Variants in DHTKD1 observed in about 807,000 individuals in gnomAD.
DHTKD1 encodes the protein 2-oxoadipate dehydrogenase complex component E1.
A neutral mutation model predicts 101.8 loss-of-function variants in DHTKD1; 78 were observed. That is an observed-to-expected ratio of 0.77 (90% CI 0.64 to 0.93). The LOEUF is 0.93. Among genes scored for constraint, DHTKD1 ranks in the 40% least tolerant of loss-of-function variants. The pLI is 0.00. For synonymous variants in DHTKD1, 462 were observed against 450.3 expected, an observed-to-expected ratio of 1.03 and a Z score of -0.33; for missense variants, 1,223 against 1,161.7, an observed-to-expected ratio of 1.05 and a Z score of -0.77.
chr10:12,089,243 C>A lies in DHTKD1; in HGVS notation c.975C>A (p.Val325=). 2 of 1,613,800 alleles carry A rather than the reference C, an allele frequency of 1.2e-6. No individual in the cohort carries two copies. The highest frequency in any genetic ancestry group is 1.1e-5 in the South Asian group (1 of 91,060). ...PDNSAQPGDR[V]ICLQVHGDAS... is the part of the protein sequence containing the mutation. ...ACTCAGCCCAGCCGGGGGACAGGGTCATTTGCTTACAGGTACTTGGAGCTT... is the reference window on the plus strand; with the variant it reads ...ACTCAGCCCAGCCGGGGGACAGGGTAATTTGCTTACAGGTACTTGGAGCTT... Residue 325 remains valine (V), a synonymous_variant, in exon 5 of 17, where the codon GTC becomes GTA. Transcript: ENST00000263035.
At position 12,121,219 on chromosome 10, in the gene DHTKD1, CAAAAA is replaced by C. The variant is rs34911594; in HGVS notation, c.*346_*350del. 7 of 119,472 alleles carry C rather than the reference CAAAAA, an allele frequency of 5.9e-5. No homozygotes were observed. Among genetic ancestry groups the C allele is most frequent in the Non-Finnish European group, 9.8e-5 (6 of 61,136 alleles). The allele number at this position is 119,472 out of a possible 1,614,324, so 7.4% of individuals were successfully genotyped here. ...TGGGTGACAGAGCAAGACTGCGTTTCAAAAAAAAAAAAAAAAAAACCCATTAAAAG... is the reference window on the plus strand; with the variant it reads ...TGGGTGACAGAGCAAGACTGCGTTTCAAAAAAAAAAAAAACCCATTAAAAG... On this transcript the variant is annotated 3_prime_UTR_variant, in exon 17 of 17. Coordinates refer to ENST00000263035, the MANE Select transcript of DHTKD1 (RefSeq NM_018706.7).
intron 12 of DHTKD1, among the ~76,000 whole-genome samples, chr10:12,108,543 G>T (rs1289422384): frequency 2.0e-5 from 3 of 152,170 alleles, no homozygotes; most frequent in Non-Finnish European, 4.4e-5. Context: ...GCTTCCCAAA[G>T]TGCTGGGATT....
At chr10:12,078,356 CAG>C (rs753583416) in intron 1 of DHTKD1, among the ~76,000 whole-genome samples, 61 of 151,894 alleles carry the variant, frequency 4.0e-4, no homozygotes, top group Non-Finnish European at 4.3e-4. Context: ...ACCTGGGAAA[CAG>C]AGGTTGCAAT....
chr10:12,081,613 C>T lies in DHTKD1; in HGVS notation c.296C>T (p.Pro99Leu). ...GCCCTGGTGCAGACACTGCAGGGAC[C>T]CTTCCACACGGCAGGTATGGCTTCT... The part of the protein sequence containing the change: ...IQALVQTLQG[P>L]FHTAGLLNMG... The change falls in exon 2 of 17, where the codon CCC becomes CTC. Residue 99 changes from proline (P) to leucine (L), a missense_variant. Physicochemically the swap from Pro to Leu is moderately conservative, Grantham distance 98. Coordinates refer to ENST00000263035, the MANE Select transcript of DHTKD1 (RefSeq NM_018706.7). 1.2e-6 allele frequency: 2 copies of T among 1,614,110 alleles called. No individual in the cohort carries two copies. Among genetic ancestry groups the T allele is most frequent in the Middle Eastern group, 1.6e-4 (1 of 6,062 alleles).
intron 5 of DHTKD1, among the ~76,000 whole-genome samples, chr10:12,090,367 C>CCCTTCCTTCCTTCCTTTTTTCCTT (rs1554791887): frequency 5.4e-5 from 5 of 92,552 alleles, no homozygotes; most frequent in Non-Finnish European, 1.0e-4. Flanking sequence ...GGCCCTCCCT[C>CCCTTCCTTCCTTCCTTTTTTCCTT]CCTTCCTTCC....
At chr10:12,120,471 C>CT in intron 16 of DHTKD1, 1 of 527,632 alleles carries the variant, frequency 1.9e-6, no homozygotes. Flanking sequence ...GTAGCTGGGA[C>CT]TACAGGCGCC....
intron 12 of DHTKD1, among the ~76,000 whole-genome samples, chr10:12,112,259 G>A (rs560892619): frequency 6.6e-6 from 1 of 152,238 alleles, no homozygotes; most frequent in African/African-American, 2.4e-5. Context: ...GGGTTACAGT[G>A]TGCTATGATC....
At chr10:12,101,790 T>C (rs973967251) in intron 10 of DHTKD1, among the ~76,000 whole-genome samples, 1 of 151,932 alleles carries the variant, frequency 6.6e-6, no homozygotes, top group African/African-American at 2.4e-5. Flanking sequence ...TTTTAGTAGA[T>C]GGAATTTCAC....
intron 3 of DHTKD1, among the ~76,000 whole-genome samples, chr10:12,086,440 C>T (rs148544675): frequency 1.3e-5 from 2 of 151,294 alleles, no homozygotes; most frequent in African/African-American, 2.4e-5. Context: ...AGGATGGTCT[C>T]GATCTCCTGA....
Position 12,089,199 on chromosome 10 carries a change from G to C in DHTKD1, c.931G>C (p.Gly311Arg). ...CGGCAGGCAGCAGTCTCGCCAAGAC[G>C]GCGATTACTCTCCAGACAACTCAGC... ...TRGRQQSRQD[G>R]DYSPDNSAQP... Residue 311 changes from glycine to arginine, a missense_variant, in exon 5 of 17, where the codon GGC becomes CGC. Physicochemically the swap from Gly to Arg is moderately radical, Grantham distance 125 (BLOSUM62 -2). Coordinates refer to ENST00000263035, the MANE Select transcript of DHTKD1 (RefSeq NM_018706.7). 1 of 1,614,164 alleles carries C rather than the reference G, an allele frequency of 6.2e-7. No individual in the cohort carries two copies. Among genetic ancestry groups the C allele is most frequent in the Non-Finnish European group, 8.5e-7 (1 of 1,180,040 alleles).
chr10:12,079,397 C>T (rs1374632659), intron 1 of DHTKD1, among the ~76,000 whole-genome samples: 4 of 152,070 alleles, frequency 2.6e-5, no homozygotes, highest in Non-Finnish European at 5.9e-5. Flanking sequence ...GAGCTGGGTG[C>T]GGTGGCTCAT....
rs557164416 is a variant in DHTKD1 at position 12,110,517 on chromosome 10, A to T, written c.2155-2383A>T. On this transcript the variant is annotated intron_variant, in intron 12 of 16. Transcript: ENST00000263035. This position sits in a 1 kb window ranked among gnomAD's most constrained non-coding sequence, Gnocchi z 4.9. ...AAAGTGTATTTATTTAAACATTTTT[A>T]ATTGACAAATGTACAATTGTATATA... Among the ~76,000 whole-genome samples, 265 of 152,290 alleles carry T rather than the reference A, an allele frequency of 1.7e-3. 1 individual carries two copies. The South Asian group carries it at 0.021, about 12-fold the overall frequency.
Position 12,117,741 on chromosome 10 carries a change from T to C in DHTKD1, c.2388T>C (p.Ser796=). ...TTFNPVIGDS[S]VDPKKVKTLV... ...TTAACCCGGTCATTGGTGATTCATCTGTGGATCCAAAAAAGTAAGATATGT... is the reference window on the plus strand; with the variant it reads ...TTAACCCGGTCATTGGTGATTCATCCGTGGATCCAAAAAAGTAAGATATGT... Residue 796 remains serine (S), a synonymous_variant, in exon 14 of 17, where the codon TCT becomes TCC. Coordinates refer to ENST00000263035, the MANE Select transcript of DHTKD1 (RefSeq NM_018706.7). 1 of 1,596,362 alleles carries C rather than the reference T, an allele frequency of 6.3e-7. No individual in the cohort carries two copies. Among genetic ancestry groups the C allele is most frequent in the Non-Finnish European group, 8.6e-7 (1 of 1,167,990 alleles).
chr10:12,120,796 G>T lies in DHTKD1; in HGVS notation c.2668G>T (p.Val890Leu), dbSNP rs1447581461. ...EKQLACKLRL[V>L]GRPPLPVPAV... ...TCTGCTGCACTTATAGCTCCGTCTG[G>T]TGGGCCGGCCCCCTTTGCCAGTACC... Residue 890 changes from valine to leucine, a missense_variant, in exon 17 of 17, where the codon GTG becomes TTG. By Grantham distance (32) the Val-to-Leu change is conservative. Coordinates refer to ENST00000263035, the MANE Select transcript of DHTKD1 (RefSeq NM_018706.7). The T allele has an allele frequency of 2.5e-6, 4 of 1,613,920 alleles. No homozygotes were observed. Among genetic ancestry groups the T allele is most frequent in the Middle Eastern group, 3.3e-4 (2 of 6,076 alleles).
chr10:12,090,474 T>TCCTTCCTC (rs1314814503), intron 5 of DHTKD1, among the ~76,000 whole-genome samples: 2 of 125,254 alleles, frequency 1.6e-5, no homozygotes, highest in Non-Finnish European at 3.5e-5. Context: ...CTTCCTTCCT[T>TCCTTCCTC]CCTTCTTCTT....
Position 12,107,922 on chromosome 10 carries a change from G to C in DHTKD1, c.2061G>C (p.Trp687Cys), listed in dbSNP as rs769639705. The change falls in exon 12 of 17, where the codon TGG becomes TGC. Residue 687 changes from tryptophan to cysteine, a missense_variant. Transcript: ENST00000263035. This position sits in a 1 kb window ranked among gnomAD's most constrained non-coding sequence, Gnocchi z 4.1. ...DTFISGGEAK[W>C]LLQSGIVILL... ...GTACTTTTCCAGGAGAGGCCAAGTG[G>C]CTCCTACAAAGCGGCATCGTCATCC... 15 of 1,613,400 alleles carry C rather than the reference G, an allele frequency of 9.3e-6. 1 individual carries two copies. The South Asian group carries it at 1.6e-4, about 18-fold the overall frequency.
At chr10:12,100,984 A>G (rs1833159545) in intron 9 of DHTKD1, 58 bp from the exon 10 acceptor site, 2 of 1,578,766 alleles carry the variant, frequency 1.3e-6, no homozygotes, top group East Asian at 4.5e-5. Context: ...TACAGTCACC[A>G]CACCTTATTA....
At chr10:12,117,820 A>G (rs1833444613) in intron 14 of DHTKD1, 65 bp downstream of exon 14, 3 of 727,434 alleles carry the variant, frequency 4.1e-6, no homozygotes, top group Non-Finnish European at 7.1e-6. Flanking sequence ...AAAGTAGTTC[A>G]CATTAAGAGA....
chr10:12,081,279 A>AAAG (rs1270028247), intron 1 of DHTKD1, among the ~76,000 whole-genome samples, 193 bp from the exon 2 acceptor site: 1 of 150,434 alleles, frequency 6.6e-6, no homozygotes, highest in East Asian at 1.9e-4. Flanking sequence ...ATCTCAAAAA[A>AAAG]AAAAAAAAAA....
Sources: allele counts gnomAD v4.1 joint callset (sites outside exome capture counted in the v4.1 genomes callset), GRCh38; gene constraint gnomAD v4.1.1; non-coding constraint Gnocchi (gnomAD v3.1); transcripts MANE v1.5; gene names NCBI Gene and HGNC (gene_info 2026-07-23, HGNC 2026-07-21).